KLF12: variants seen among roughly 807,000 people sequenced by gnomAD.
KLF12 encodes the protein Krueppel-like factor 12.
A neutral mutation model predicts 37.8 loss-of-function variants in KLF12; 9 were observed. The ratio of observed to expected loss-of-function variants is 0.24; its 90% CI spans 0.14 to 0.42. KLF12 has a LOEUF of 0.42. KLF12 is among the 10% of genes least tolerant of loss of function. The pLI is 1.00. For synonymous variants in KLF12, 208 were observed against 202.1 expected (o/e 1.03, Z -0.25); for missense variants, 411 against 516.0 (o/e 0.80, Z 1.97).
At chr13:74,202,702 C>T in the KLF12 span, among the ~76,000 whole-genome samples, 2 of 152,146 alleles carry the variant, frequency 1.3e-5, no homozygotes, top group Non-Finnish European at 2.9e-5. Context: ...CCCTAACCCC[C>T]ATTCCATATC....
intron 1 of KLF12, among the ~76,000 whole-genome samples, chr13:74,099,617 G>A (rs74425282): frequency 0.035 from 5,339 of 152,238 alleles, 319 homozygotes; most frequent in African/African-American, 0.12. Context: ...AATCCTAAGA[G>A]CAAAGATGCT....
At chr13:74,234,814 C>A in the KLF12 span, among the ~76,000 whole-genome samples, 1 of 150,852 alleles carries the variant, frequency 6.6e-6, no homozygotes, top group African/African-American at 2.4e-5. Flanking sequence ...TTATATGTAT[C>A]GATACCTCAT....
chr13:73,758,992 T>A (rs914000397), intron 6 of KLF12, among the ~76,000 whole-genome samples: 3 of 152,116 alleles, frequency 2.0e-5, no homozygotes, highest in Non-Finnish European at 4.4e-5. Context: ...GTAAAGTCAT[T>A]AAAGAAATTA....
intron 1 of KLF12, among the ~76,000 whole-genome samples, chr13:74,015,477 CATT>C (rs940173151): frequency 2.5e-4 from 38 of 152,218 alleles, no homozygotes; most frequent in African/African-American, 8.7e-4. Context: ...CGATTGTTAT[CATT>C]GTTATTATTA....
At chr13:74,011,992 C>T (rs1439870748) in intron 1 of KLF12, among the ~76,000 whole-genome samples, 1 of 152,128 alleles carries the variant, frequency 6.6e-6, no homozygotes, top group Non-Finnish European at 1.5e-5. Context: ...TTGTATGACA[C>T]ACTGGGAATT....
At chr13:73,888,299 C>T (rs1327427375) in intron 3 of KLF12, among the ~76,000 whole-genome samples, 2 of 152,034 alleles carry the variant, frequency 1.3e-5, no homozygotes, top group Non-Finnish European at 2.9e-5. Context: ...CCACCGCGCC[C>T]GGCCACAAAA....
chr13:74,167,659 C>T, the KLF12 span, among the ~76,000 whole-genome samples: 2 of 152,210 alleles, frequency 1.3e-5, no homozygotes, highest in African/African-American at 4.8e-5. Context: ...AAGTAGCTAA[C>T]ATATGCCAGG....
At chr13:73,846,893 T>A (rs1186475146) in intron 3 of KLF12, among the ~76,000 whole-genome samples, 1 of 152,186 alleles carries the variant, frequency 6.6e-6, no homozygotes, top group East Asian at 1.9e-4. Flanking sequence ...TTCTAATAAT[T>A]AGCTAACTCT....
intron 3 of KLF12, among the ~76,000 whole-genome samples, chr13:73,864,276 T>A (rs1255500770): frequency 6.6e-6 from 1 of 152,164 alleles, no homozygotes; most frequent in African/African-American, 2.4e-5. Flanking sequence ...ATTTTATACT[T>A]GGTTTCAATT....
At chr13:73,740,711 T>A (rs574785960) in intron 6 of KLF12, among the ~76,000 whole-genome samples, 1 of 152,210 alleles carries the variant, frequency 6.6e-6, no homozygotes, top group Admixed American at 6.5e-5. Context: ...CTTTGCCAAA[T>A]GTTCTTTTAT....
chr13:73,868,577 G>A (rs925718937), intron 3 of KLF12, among the ~76,000 whole-genome samples: 6 of 151,904 alleles, frequency 3.9e-5, no homozygotes, highest in Non-Finnish European at 8.8e-5. Flanking sequence ...TTTTAGTAGA[G>A]ATGGGGTTTC....
intron 3 of KLF12, among the ~76,000 whole-genome samples, chr13:73,859,291 C>T (rs545767407): frequency 2.7e-4 from 41 of 152,234 alleles, no homozygotes; most frequent in Middle Eastern, 3.4e-3. Flanking sequence ...GTAAAGTTTT[C>T]CTCTCTAGTT....
the KLF12 span, among the ~76,000 whole-genome samples, chr13:74,167,721 C>T: frequency 6.6e-6 from 1 of 152,182 alleles, no homozygotes; most frequent in Non-Finnish European, 1.5e-5. Flanking sequence ...CTGCTGAATT[C>T]AATCCTCCAT....
chr13:74,151,481 T>C, the KLF12 span, among the ~76,000 whole-genome samples: 1 of 151,862 alleles, frequency 6.6e-6, no homozygotes, highest in Admixed American at 6.6e-5. Context: ...CGAAAACCTG[T>C]GTCTACAAAA....
the KLF12 span, among the ~76,000 whole-genome samples, chr13:74,172,244 G>C: frequency 4.4e-4 from 67 of 151,306 alleles, 1 homozygote; most frequent in South Asian, 4.2e-3. Context: ...TATCAACAAG[G>C]TATTTTCTGT....
At chr13:73,835,653 T>A in intron 4 of KLF12, among the ~76,000 whole-genome samples, 1 of 152,068 alleles carries the variant, frequency 6.6e-6, no homozygotes, top group East Asian at 1.9e-4. Flanking sequence ...CTGAAACTTT[T>A]TGGACAGGAA....
At chr13:73,969,254 A>T (rs1392233552) in intron 2 of KLF12, among the ~76,000 whole-genome samples, 1 of 152,196 alleles carries the variant, frequency 6.6e-6, no homozygotes, top group Admixed American at 6.5e-5. Context: ...CAAAGTTTAT[A>T]CTGCCTGAAG....
chr13:74,016,012 GAGCAAATA>G, intron 1 of KLF12, among the ~76,000 whole-genome samples: 1 of 152,106 alleles, frequency 6.6e-6, no homozygotes, highest in Middle Eastern at 3.4e-3. Flanking sequence ...TTTAAAAAAA[GAGCAAATA>G]AGTATGTCTA....
chr13:73,835,073 T>G (rs967298122), intron 4 of KLF12, among the ~76,000 whole-genome samples: 3 of 151,994 alleles, frequency 2.0e-5, no homozygotes, highest in African/African-American at 7.2e-5. Flanking sequence ...AACCTTTTTT[T>G]TTTTTTTGGC....
Sources: gnomAD v4.1 joint callset for allele counts (sites outside exome capture counted in the v4.1 genomes callset) on GRCh38, gnomAD v4.1.1 for gene constraint, MANE v1.5 for transcripts, NCBI Gene and HGNC (gene_info 2026-07-23, HGNC 2026-07-21) for gene names.